The following MVK variants were observed in gnomAD, a reference collection of about 807,000 sequenced individuals.
MVK encodes mevalonate kinase.
MVK carries 34 observed loss-of-function variants against 43.2 expected under a neutral mutation model. The ratio of observed to expected loss-of-function variants is 0.79; its 90% CI spans 0.60 to 1.05. The LOEUF (loss-of-function observed/expected upper bound fraction) is 1.05. Ranked by LOEUF, MVK falls within the 50% of genes least tolerant of loss-of-function variation. The pLI is 0.00. For synonymous variants in MVK, 190 were observed against 219.8 expected, an observed-to-expected ratio of 0.86 and a Z score of 1.20; for missense variants, 395 against 504.0, an observed-to-expected ratio of 0.78 and a Z score of 2.07.
At position 109,596,958 on chromosome 12, in the gene MVK, G is replaced by A; in HGVS notation, c.*381G>A. 1 of 324,494 alleles carries A rather than the reference G, an allele frequency of 3.1e-6. No homozygotes were observed. Among genetic ancestry groups the A allele is most frequent in the Non-Finnish European group, 6.0e-6 (1 of 167,604 alleles). The allele number at this position is 324,494 out of a possible 1,614,324, so 20.1% of individuals were successfully genotyped here. On this transcript the variant is annotated 3_prime_UTR_variant, in exon 11 of 11. Coordinates refer to ENST00000228510, the MANE Select transcript of MVK (RefSeq NM_000431.4). ...TGGGGCCTGGTTCCCGGAGAAGTGT[G>A]CCTTCTCTCTCCCTTTTCAGGGACC...
chr12:109,586,164 T>A (rs746265311), intron 6 of MVK, 39 bp downstream of exon 6: 21 of 1,495,434 alleles, frequency 1.4e-5, no homozygotes, highest in Admixed American at 3.5e-5. Flanking sequence ...GTTGTTATTT[T>A]AAAAATTCTT....
Position 109,586,604 on chromosome 12 carries a change from C to A in MVK, c.632-150C>A. On this transcript the variant is annotated intron_variant, in intron 6 of 10. Coordinates refer to ENST00000228510, the MANE Select transcript of MVK (RefSeq NM_000431.4). ...TTCGGGGACCTTTTGCCCTCCTGCA[C>A]CTTTTGTAACTGAAGCTGGGCTGAC... 3 of 857,426 alleles carry A rather than the reference C, an allele frequency of 3.5e-6. No individual in the cohort carries two copies. The East Asian group carries it at 7.6e-5, about 22-fold the overall frequency. 53.1% of individuals were successfully genotyped at this position (857,426 alleles called of 1,614,324 possible). A position where few individuals can be genotyped will look rare whatever the true frequency, so the allele number is the denominator to read the frequency against.
chr12:109,579,993 A>C, intron 4 of MVK, 47 bp downstream of exon 4: 3 of 1,612,714 alleles, frequency 1.9e-6, no homozygotes, highest in South Asian at 2.2e-5. Flanking sequence ...CCTCCCATGG[A>C]GAAAAAGGAA....
intron 3 of MVK, among the ~76,000 whole-genome samples, chr12:109,578,336 GTTC>G (rs1169901791): frequency 6.6e-6 from 1 of 151,372 alleles, no homozygotes; most frequent in Non-Finnish European, 1.5e-5. Context: ...GGGCTCAAGT[GTTC>G]TTCTGCCTTA....
rs1465672096 is a variant in MVK, at chr12:109,596,739, TGGGACCTA to T, written c.*167_*174del. ...CAGCCAAGCTCTGCAGTCCCAGCGGTGGGACCTAGGGAGGCATGGTCTGCCCTCTGCAT... is the reference window on the plus strand; with the variant it reads ...CAGCCAAGCTCTGCAGTCCCAGCGGTGGGAGGCATGGTCTGCCCTCTGCAT... On this transcript the variant is annotated 3_prime_UTR_variant, in exon 11 of 11. Coordinates refer to ENST00000228510, the MANE Select transcript of MVK (RefSeq NM_000431.4). 2 of 1,066,966 alleles carry T rather than the reference TGGGACCTA, an allele frequency of 1.9e-6. No individual in the cohort carries two copies. Among genetic ancestry groups the T allele is most frequent in the African/African-American group, 3.1e-5 (2 of 63,612 alleles). 66.1% of individuals were successfully genotyped at this position (1,066,966 alleles called of 1,614,324 possible).
intron 9 of MVK, among the ~76,000 whole-genome samples, chr12:109,594,288 C>A (rs1459518449): frequency 6.6e-6 from 1 of 152,180 alleles, no homozygotes; most frequent in Admixed American, 6.5e-5. Flanking sequence ...ATTTTTTCAT[C>A]CACATGCATC....
In MVK at chr12:109,575,050, T is replaced by C. The variant is rs985592454; in HGVS notation, c.78+150T>C. On this transcript the variant is annotated intron_variant, in intron 2 of 10. Transcript: ENST00000228510. ...AGCCAGGCAAGGAAAAGATTTCTTA[T>C]GCCCACTGAAGGGATTCTTGGGCCT... 5.1e-6 allele frequency: 4 copies of C among 785,788 alleles called. No individual in the cohort carries two copies. In the African/African-American group the frequency reaches 5.2e-5, roughly 10 times the overall value. The allele number at this position is 785,788 out of a possible 1,614,324, so 48.7% of individuals were successfully genotyped here.
chr12:109,584,683 G>C (rs72648007), intron 5 of MVK, among the ~76,000 whole-genome samples: 1 of 152,062 alleles, frequency 6.6e-6, no homozygotes, highest in Non-Finnish European at 1.5e-5. Flanking sequence ...TCAGGAGTTC[G>C]AGATCAGCCT....
In MVK at chr12:109,576,124, TCA is replaced by T; in HGVS notation, c.207_208del (p.Leu70GlyfsTer9). Reference sequence around the variant, plus strand: ...GGCCTGGGATGTGGCCAGGCTTCAGTCACTGGACACAAGCTTTCTGGGTGAGT... The same window carrying T: ...GGCCTGGGATGTGGCCAGGCTTCAGTCTGGACACAAGCTTTCTGGGTGAGT... Reference protein sequence around the residue: ...KRAWDVARLQSLDTSFLEQGD... With the variant: ...KRAWDVARLQXLDTSFLEQGD... On this transcript the variant is annotated frameshift_variant, in exon 3 of 11. Transcript: ENST00000228510. LOFTEE classifies it high-confidence loss of function. 1 of 1,614,176 alleles carries T rather than the reference TCA, an allele frequency of 6.2e-7. No homozygotes were observed. Among genetic ancestry groups the T allele is most frequent in the Non-Finnish European group, 8.5e-7 (1 of 1,180,032 alleles).
rs1885890296 is a variant in MVK, at chr12:109,595,758, C to T, written c.1039+577C>T. 6.6e-6 allele frequency among the ~76,000 whole-genome samples: 1 copy of T among 152,194 alleles called. No homozygotes were observed. The highest frequency in any genetic ancestry group is 1.5e-5 in the Non-Finnish European group (1 of 68,012). On this transcript the variant is annotated intron_variant, in intron 10 of 10. Transcript: ENST00000228510. The surrounding 1 kb of genome is among the most constrained non-coding windows in gnomAD (Gnocchi z 5.9). Reference sequence around the variant, plus strand: ...AGGCACTAACCGGTCCCACCTGCCTCCATTTCCCTCTGTGCTCCTTGTCCC... The same window carrying T: ...AGGCACTAACCGGTCCCACCTGCCTTCATTTCCCTCTGTGCTCCTTGTCCC...
chr12:109,585,843 G>A (rs1281866769), intron 5 of MVK, among the ~76,000 whole-genome samples, 179 bp from the exon 6 acceptor site: 1 of 152,248 alleles, frequency 6.6e-6, no homozygotes, highest in Non-Finnish European at 1.5e-5. Flanking sequence ...GTGGGCTTCA[G>A]AGGGAAGGGC....
At chr12:109,594,966 G>A in intron 9 of MVK, 62 bp from the exon 10 acceptor site, 6 of 1,605,374 alleles carry the variant, frequency 3.7e-6, no homozygotes, top group Non-Finnish European at 5.1e-6. Context: ...AGGCTCAGGG[G>A]TGGGCATAGG....
At chr12:109,574,765 G>A (rs1298358332) in intron 1 of MVK, 44 bp from the exon 2 acceptor site, 6 of 1,472,118 alleles carry the variant, frequency 4.1e-6, no homozygotes, top group African/African-American at 1.4e-5. Flanking sequence ...TGCTGGTTCT[G>A]ACATCTAGAG....
At chr12:109,579,507 T>A (rs1885116269) in intron 3 of MVK, among the ~76,000 whole-genome samples, 1 of 152,208 alleles carries the variant, frequency 6.6e-6, no homozygotes, top group Non-Finnish European at 1.5e-5. Flanking sequence ...CACCCCTTAT[T>A]TAACTTTACG....
At chr12:109,591,136 C>A in intron 8 of MVK, 105 bp from the exon 9 acceptor site, 1 of 1,148,672 alleles carries the variant, frequency 8.7e-7, no homozygotes, top group Non-Finnish European at 1.3e-6. Flanking sequence ...AGAGGATGGG[C>A]ACGGGCTGTG....
At chr12:109,587,160 G>A in intron 7 of MVK, 2 of 318,736 alleles carry the variant, frequency 6.3e-6, no homozygotes, top group South Asian at 2.9e-5. Context: ...GAGAGATGAA[G>A]CTTGGGTACA....
intron 4 of MVK, 147 bp downstream of exon 4, chr12:109,580,093 C>CA: frequency 8.2e-7 from 1 of 1,220,300 alleles, no homozygotes; most frequent in Non-Finnish European, 1.2e-6. Context: ...GGCACCCTGC[C>CA]AGGCACGGTA....
At position 109,574,969 on chromosome 12, in the gene MVK, A is replaced by G. The variant is rs1884869878; in HGVS notation, c.78+69A>G. On this transcript the variant is annotated intron_variant, in intron 2 of 10. Coordinates refer to ENST00000228510, the MANE Select transcript of MVK (RefSeq NM_000431.4). ...CCTGATGCTAATTTTGTAAGAAGGT[A>G]AAAGGACACCCTGAGGCACAGCTTG... 4.8e-6 allele frequency: 7 copies of G among 1,456,936 alleles called. No individual in the cohort carries two copies. In the South Asian group the frequency reaches 8.5e-5, roughly 18 times the overall value. The allele number at this position is 1,456,936 out of a possible 1,614,324, so 90.3% of individuals were successfully genotyped here.
At chr12:109,573,477 C>T (rs1157166932), upstream of MVK, 1 of 1,603,184 alleles carries the variant, frequency 6.2e-7, no homozygotes. Context: ...CCGCACACAG[C>T]CATGAGCCAG....
Sources: gnomAD v4.1 joint callset for allele counts (sites outside exome capture counted in the v4.1 genomes callset) on GRCh38, gnomAD v4.1.1 for gene constraint, Gnocchi (gnomAD v3.1) non-coding constraint, MANE v1.5 for transcripts, NCBI Gene and HGNC (gene_info 2026-07-23, HGNC 2026-07-21) for gene names.